Variants in ATP13A5 observed in about 807,000 individuals in gnomAD.
ATP13A5 encodes ATPase 13A5.
Under a neutral mutation model 150.2 loss-of-function variants are expected in ATP13A5, and 149 were observed. That is an observed-to-expected ratio of 0.99 (90% CI 0.87 to 1.14). The LOEUF is 1.14. Ranked by LOEUF, ATP13A5 falls within the 50% of genes most tolerant of loss-of-function variation. The pLI is 0.00. For missense variants in ATP13A5, 1,383 were observed against 1,449.3 expected (o/e 0.95, Z 0.74); for synonymous variants, 497 against 522.2 (o/e 0.95, Z 0.66).
At chr3:193,378,074 ATGTG>A (rs5855484) in intron 1 of ATP13A5, among the ~76,000 whole-genome samples, 140,408 of 150,768 alleles carry the variant, frequency 0.93, 65,388 homozygotes, top group Middle Eastern at 0.95. Context: ...TTATTTTTAA[ATGTG>A]TGTGTGTGTG....
chr3:193,280,930 C>G (rs1040412517), intron 27 of ATP13A5, among the ~76,000 whole-genome samples: 4 of 152,192 alleles, frequency 2.6e-5, no homozygotes, highest in African/African-American at 9.7e-5. Context: ...AAATCTGAGG[C>G]AACTGCCCCT....
chr3:193,319,130 G>A, intron 16 of ATP13A5, 22 bp from the exon 17 acceptor site: 1 of 1,573,402 alleles, frequency 6.4e-7, no homozygotes, highest in Non-Finnish European at 8.7e-7. Context: ...GAAGAAACAG[G>A]TAAGTGTAAG....
At chr3:193,328,700 C>T (rs562392208) in intron 12 of ATP13A5, among the ~76,000 whole-genome samples, 3 of 151,972 alleles carry the variant, frequency 2.0e-5, no homozygotes, top group African/African-American at 7.3e-5. Context: ...CAGGCTTGGG[C>T]TGAATTGAAT....
rs764877338 is a variant in ATP13A5 at position 193,275,000 on chromosome 3, G to GA, written c.*41dup. 1.2e-6 allele frequency: 2 copies of GA among 1,604,818 alleles called. No homozygotes were observed. Among genetic ancestry groups the GA allele is most frequent in the Admixed American group, 1.7e-5 (1 of 59,162 alleles). On this transcript the variant is annotated 3_prime_UTR_variant, in exon 30 of 30. Coordinates refer to ENST00000342358, the MANE Select transcript of ATP13A5 (RefSeq NM_198505.4). ...TTCTCCACAATGTGTTAATTTTGGG[G>GA]AAAAAAGCAATGCTGTTGAGCATGT... is the stretch of plus-strand genomic sequence containing the variant.
At chr3:193,344,799 G>A (rs530194747) in intron 8 of ATP13A5, among the ~76,000 whole-genome samples, 3 of 152,146 alleles carry the variant, frequency 2.0e-5, no homozygotes, top group Non-Finnish European at 4.4e-5. Flanking sequence ...CTTGTTCTCA[G>A]GGCCCTGCAG....
At chr3:193,281,165 C>T (rs142805065) in intron 27 of ATP13A5, 387 of 984,936 alleles carry the variant, frequency 3.9e-4, no homozygotes, top group Non-Finnish European at 4.4e-4. Flanking sequence ...CAGGAAATAG[C>T]TGTGTGGATT....
intron 5 of ATP13A5, among the ~76,000 whole-genome samples, chr3:193,356,808 G>A (rs1186463442): frequency 6.8e-6 from 1 of 147,742 alleles, no homozygotes; most frequent in Non-Finnish European, 1.5e-5. Context: ...GGCAGAAACA[G>A]ATTTTTTTTT....
At chr3:193,307,160 T>C in intron 22 of ATP13A5, 167 bp downstream of exon 22, 1 of 1,463,974 alleles carries the variant, frequency 6.8e-7, no homozygotes, top group Non-Finnish European at 9.0e-7. Flanking sequence ...CATCTCCCTT[T>C]ACTCCCCTCC....
rs764191366 is a variant in ATP13A5, at chr3:193,289,921, T to C, written c.2987A>G (p.Lys996Arg). The change falls in exon 26 of 30, where the codon AAG becomes AGG. Residue 996 changes from lysine to arginine, a missense_variant. Physicochemically the swap from Lys to Arg is conservative, Grantham distance 26. Around this residue, in one of 3 missense-constraint regions of ATP13A5, gnomAD observed 568 missense variants for 621.5 expected, o/e 0.91. Coordinates refer to ENST00000342358, the MANE Select transcript of ATP13A5 (RefSeq NM_198505.4). ...GACCTCACAATACCAAGGCTGCTGCTTCACATAGAGAAATGCACTGATCTG... is the reference window on the plus strand; with the variant it reads ...GACCTCACAATACCAAGGCTGCTGCCTCACATAGAGAAATGCACTGATCTG... ...IVQISAFLYV[K>R]QQPWYCEVYQ... is the part of the protein sequence containing the mutation. 2.5e-6 allele frequency: 4 copies of C among 1,611,192 alleles called. No homozygotes were observed. In the African/African-American group the frequency reaches 4.0e-5, roughly 16 times the overall value.
chr3:193,307,258 G>A, intron 22 of ATP13A5, 69 bp downstream of exon 22: 1 of 1,610,384 alleles, frequency 6.2e-7, no homozygotes, highest in Non-Finnish European at 8.5e-7. Context: ...ACAAACCCCA[G>A]GAGAGCCTGA....
intron 19 of ATP13A5, chr3:193,312,916 G>A (rs1718909465): frequency 6.6e-6 from 1 of 150,932 alleles, no homozygotes; most frequent in Non-Finnish European, 1.5e-5. Flanking sequence ...CTGGGAATGT[G>A]GGGAGAGGAA....
chr3:193,310,194 T>C (rs1452681133), intron 21 of ATP13A5, among the ~76,000 whole-genome samples: 1 of 152,206 alleles, frequency 6.6e-6, no homozygotes, highest in Non-Finnish European at 1.5e-5. Context: ...GCAGAAGTCA[T>C]AATCTCATTC....
intron 29 of ATP13A5, among the ~76,000 whole-genome samples, chr3:193,275,732 A>G (rs1321708860): frequency 1.3e-5 from 2 of 152,166 alleles, no homozygotes; most frequent in Non-Finnish European, 2.9e-5. Context: ...ATTGGTTTTC[A>G]TTTTTTGAGA....
At chr3:193,313,884 G>T in intron 19 of ATP13A5, 149 bp downstream of exon 19, 1 of 896,262 alleles carries the variant, frequency 1.1e-6, no homozygotes. Context: ...AACCAGAGCT[G>T]GCAGAAATGC....
intron 5 of ATP13A5, 47 bp from the exon 6 acceptor site, chr3:193,354,243 A>T: frequency 6.5e-7 from 1 of 1,541,062 alleles, no homozygotes; most frequent in Non-Finnish European, 8.8e-7. Context: ...CAAGCACATG[A>T]TAAGTGACTA....
At chr3:193,356,166 C>T (rs1712780574) in intron 5 of ATP13A5, among the ~76,000 whole-genome samples, 1 of 152,110 alleles carries the variant, frequency 6.6e-6, no homozygotes, top group African/African-American at 2.4e-5. Context: ...AAATAGCTAC[C>T]CTGACTCTTA....
chr3:193,335,436 T>C (rs1711816371), intron 9 of ATP13A5, among the ~76,000 whole-genome samples: 1 of 152,224 alleles, frequency 6.6e-6, no homozygotes, highest in South Asian at 2.1e-4. Context: ...ATGAAGGAGC[T>C]TTCCAGCACG....
chr3:193,277,691 G>A (rs1396892533), intron 28 of ATP13A5: 1 of 152,204 alleles, frequency 6.6e-6, no homozygotes, highest in East Asian at 1.9e-4. Context: ...GGGTTGTTTG[G>A]ATTAAAGGGT....
chr3:193,300,722 T>C (rs1480410663), intron 24 of ATP13A5, among the ~76,000 whole-genome samples: 1 of 152,198 alleles, frequency 6.6e-6, no homozygotes, highest in African/African-American at 2.4e-5. Flanking sequence ...GAATTTCCGA[T>C]TCTTTACTAA....
Sources: gnomAD v4.1 joint callset for allele counts (sites outside exome capture counted in the v4.1 genomes callset) on GRCh38, gnomAD v4.1.1 for gene constraint, gnomAD v4.1.1 regional missense constraint, MANE v1.5 for transcripts, NCBI Gene and HGNC (gene_info 2026-07-23, HGNC 2026-07-21) for gene names.